Variants in SGIP1 observed in about 807,000 individuals in gnomAD.
SGIP1 encodes SH3-containing GRB2-like protein 3-interacting protein 1.
Under a neutral mutation model 107.5 loss-of-function variants are expected in SGIP1, and 38 were observed. The ratio of observed to expected loss-of-function variants is 0.35; its 90% CI spans 0.27 to 0.46. The LOEUF is 0.46. SGIP1 is among the 20% of genes least tolerant of loss of function. The probability of loss-of-function intolerance (pLI) is 1.00; values close to 1 mark genes in which losing one functional copy is unlikely to be tolerated. For synonymous variants in SGIP1, 365 were observed against 366.1 expected (o/e 1.00, Z 0.03); for missense variants, 929 against 1,019.5 (o/e 0.91, Z 1.21).
Position 66,659,632 on chromosome 1 carries a change from AG to A in SGIP1, c.460-879del, listed in dbSNP as rs551043878. Among the ~76,000 whole-genome samples, 1,422 of 152,280 alleles carry A rather than the reference AG, an allele frequency of 9.3e-3. 18 individuals carry two copies. Among genetic ancestry groups the A allele is most frequent in the Middle Eastern group, 0.017 (5 of 294 alleles). On this transcript the variant is annotated intron_variant, in intron 7 of 24. Coordinates refer to ENST00000371037, the MANE Select transcript of SGIP1 (RefSeq NM_032291.4). ...AACCATTCAAAAGAAAGATTAGGCC[AG>A]GCACGGTGGTTTACACCTGTAATCC... is the stretch of plus-strand genomic sequence containing the variant.
chr1:66,641,702 A>C (rs1445107464), intron 5 of SGIP1, among the ~76,000 whole-genome samples: 1 of 152,202 alleles, frequency 6.6e-6, no homozygotes. Flanking sequence ...CCATATAATA[A>C]GAATCCAAAT....
At chr1:66,616,516 G>A (rs144100130) in intron 1 of SGIP1, among the ~76,000 whole-genome samples, 223 of 152,226 alleles carry the variant, frequency 1.5e-3, no homozygotes, top group African/African-American at 5.1e-3. Flanking sequence ...AGAAAACTGA[G>A]ACTCAGAGAA....
chr1:66,601,319 C>G (rs1161191644), intron 1 of SGIP1, among the ~76,000 whole-genome samples: 1 of 152,100 alleles, frequency 6.6e-6, no homozygotes, highest in Non-Finnish European at 1.5e-5. Context: ...GAGCCGAGAT[C>G]GCGCCACTGC....
Position 66,706,330 on chromosome 1 carries a change from TATA to T in SGIP1, c.1630+10841_1630+10843del, listed in dbSNP as rs1285744109. Among the ~76,000 whole-genome samples the T allele has an allele frequency of 4.4e-5, 5 of 112,726 alleles. No individual in the cohort carries two copies. In the South Asian group the frequency reaches 1.5e-3, roughly 34 times the overall value. 74.0% of individuals were successfully genotyped at this position (112,726 alleles called of 152,430 possible). ...TACATAAAATATAAACTATATATTATATAATATGTAAAATATAAATAAATATTT... is the reference window on the plus strand; with the variant it reads ...TACATAAAATATAAACTATATATTATATATGTAAAATATAAATAAATATTT... On this transcript the variant is annotated intron_variant, in intron 18 of 24. Coordinates refer to ENST00000371037, the MANE Select transcript of SGIP1 (RefSeq NM_032291.4).
At chr1:66,681,778 C>G (rs560864705) in intron 14 of SGIP1, 91 bp from the exon 15 acceptor site, 5 of 1,361,148 alleles carry the variant, frequency 3.7e-6, no homozygotes, top group Non-Finnish European at 5.1e-6. Flanking sequence ...ACCTCAGACA[C>G]CAATGTATTT....
intron 1 of SGIP1, among the ~76,000 whole-genome samples, chr1:66,547,825 C>T (rs756097505): frequency 1.3e-5 from 2 of 151,960 alleles, no homozygotes; most frequent in African/African-American, 2.4e-5. Context: ...GGAGGGGTGG[C>T]GGTGAAGGCT....
intron 7 of SGIP1, chr1:66,643,996 A>G (rs954323375): frequency 1.2e-4 from 24 of 207,416 alleles, no homozygotes; most frequent in Non-Finnish European, 2.3e-4. Context: ...AAAAAAAAAT[A>G]AAAAGATTAT....
intron 18 of SGIP1, among the ~76,000 whole-genome samples, chr1:66,712,963 C>A (rs510771): frequency 0.17 from 25,888 of 151,982 alleles, 2,296 homozygotes; most frequent in East Asian, 0.28. Flanking sequence ...GTCGGAGGTC[C>A]ACAGACTAAT....
chr1:66,673,985 G>A (rs1028433692), intron 12 of SGIP1, among the ~76,000 whole-genome samples: 1 of 131,952 alleles, frequency 7.6e-6, no homozygotes, highest in Non-Finnish European at 1.6e-5. Flanking sequence ...GACAACATAC[G>A]GAGACCCCCA....
intron 1 of SGIP1, among the ~76,000 whole-genome samples, chr1:66,567,043 A>G (rs981252160): frequency 6.6e-6 from 1 of 152,120 alleles, no homozygotes; most frequent in Admixed American, 6.6e-5. Context: ...ACATGAGCTC[A>G]TTCTTTTTCA....
At chr1:66,583,798 G>A (rs754348637) in intron 1 of SGIP1, among the ~76,000 whole-genome samples, 7 of 152,140 alleles carry the variant, frequency 4.6e-5, no homozygotes, top group Non-Finnish European at 1.0e-4. Context: ...ATGAAGGGAG[G>A]AATGTTATTC....
At position 66,671,829 on chromosome 1, in the gene SGIP1, A is replaced by G. The variant is rs534056131; in HGVS notation, c.509-115A>G. On this transcript the variant is annotated intron_variant, in intron 10 of 24. Transcript: ENST00000371037. ...AAGGTTTGTTTTGCAAAGTTTTCAT[A>G]CTGAGTTGCTTATTGATGGGACTTA... 5.1e-5 allele frequency: 48 copies of G among 948,106 alleles called. No individual in the cohort carries two copies. In the East Asian group the frequency reaches 1.2e-3, roughly 23 times the overall value. The allele number at this position is 948,106 out of a possible 1,614,324, so 58.7% of individuals were successfully genotyped here.
At chr1:66,699,048 C>T (rs2091470722) in intron 18 of SGIP1, among the ~76,000 whole-genome samples, 2 of 151,960 alleles carry the variant, frequency 1.3e-5, no homozygotes, top group South Asian at 2.1e-4. Flanking sequence ...CCTGTTTACT[C>T]GTCTTTTCCC....
chr1:66,672,112 A>G (rs1216113197), intron 11 of SGIP1, 117 bp downstream of exon 11: 5 of 873,226 alleles, frequency 5.7e-6, no homozygotes, highest in East Asian at 5.2e-5. Context: ...CTACCAAAAC[A>G]TGTCAGTCCA....
At chr1:66,541,465 GC>G (rs2054923947) in intron 1 of SGIP1, among the ~76,000 whole-genome samples, 1 of 152,200 alleles carries the variant, frequency 6.6e-6, no homozygotes, top group Admixed American at 6.5e-5. Context: ...CCTTGTCTTA[GC>G]TCACCATTCC....
intron 7 of SGIP1, among the ~76,000 whole-genome samples, chr1:66,658,286 G>GA (rs1388561419): frequency 1.3e-5 from 2 of 152,176 alleles, no homozygotes; most frequent in Non-Finnish European, 2.9e-5. Flanking sequence ...TGCTCTAGGA[G>GA]AAAATTCTGC....
At position 66,671,990 on chromosome 1, in the gene SGIP1, TATA is replaced by T. The variant is rs780304866; in HGVS notation, c.557_559del (p.Ile186del). 9.3e-6 allele frequency: 15 copies of T among 1,613,920 alleles called. No homozygotes were observed. The South Asian group carries it at 1.6e-4, about 18-fold the overall frequency. ...GGCGTTCCACACCAACTCCAGAACT[TATA>T]AGGTGAGTGTGAAAGACATTAGTTG... is the stretch of plus-strand genomic sequence containing the variant. On this transcript the variant is annotated inframe_deletion and splice_region_variant, in exon 11 of 25. Transcript: ENST00000371037.
chr1:66,570,770 T>C (rs1005823283), intron 1 of SGIP1, among the ~76,000 whole-genome samples: 3 of 151,924 alleles, frequency 2.0e-5, no homozygotes, highest in Admixed American at 2.0e-4. Flanking sequence ...CATGATTCCA[T>C]CCTCCATTTA....
intron 7 of SGIP1, among the ~76,000 whole-genome samples, chr1:66,657,226 G>A (rs934696831): frequency 7.2e-5 from 11 of 152,000 alleles, no homozygotes; most frequent in African/African-American, 2.7e-4. Context: ...TCAGGATACA[G>A]CCATCCTATT....
Sources: gnomAD v4.1 joint callset for allele counts (sites outside exome capture counted in the v4.1 genomes callset) on GRCh38, gnomAD v4.1.1 for gene constraint, MANE v1.5 for transcripts, NCBI Gene and HGNC (gene_info 2026-07-23, HGNC 2026-07-21) for gene names.